GOLGA4: variants seen among roughly 807,000 people sequenced by gnomAD.
GOLGA4 encodes golgin A4, also known as golgin subfamily A member 4.
A neutral mutation model predicts 265.9 loss-of-function variants in GOLGA4; 169 were observed. That is an observed-to-expected ratio of 0.64 (90% CI 0.56 to 0.72). The LOEUF (loss-of-function observed/expected upper bound fraction) is 0.72. Among genes scored for constraint, GOLGA4 ranks in the 30% least tolerant of loss-of-function variants. The pLI, the probability that GOLGA4 is intolerant of heterozygous loss-of-function variation, is 0.00. For synonymous variants in GOLGA4, 923 were observed against 855.8 expected (o/e 1.08, Z -1.37); for missense variants, 2,482 against 2,483.4 (o/e 1.00, Z 0.01).
At chr3:37,269,673 A>G (rs2096792838) in intron 2 of GOLGA4, among the ~76,000 whole-genome samples, 1 of 152,198 alleles carries the variant, frequency 6.6e-6, no homozygotes, top group Non-Finnish European at 1.5e-5. Flanking sequence ...TGGAGAAGGC[A>G]TTACAAATAG....
Position 37,324,586 on chromosome 3 carries a change from A to G in GOLGA4, c.2700A>G (p.Glu900=), listed in dbSNP as rs527630773. 1.7e-5 allele frequency: 28 copies of G among 1,613,954 alleles called. No homozygotes were observed. In the South Asian group the frequency reaches 2.7e-4, roughly 16 times the overall value. ...TTGAAGATGGTAACAAAGAACAGGA[A>G]CAGACAAAGCAAATCTTGGTGGAAA... ...SKLEDGNKEQ[E]QTKQILVEKE... is the part of the protein sequence containing the mutation. Residue 900 remains glutamate, a synonymous_variant, in exon 14 of 24, where the codon GAA becomes GAG. Transcript: ENST00000361924.
At chr3:37,263,588 C>T (rs2096775783) in intron 2 of GOLGA4, among the ~76,000 whole-genome samples, 1 of 152,142 alleles carries the variant, frequency 6.6e-6, no homozygotes, top group Non-Finnish European at 1.5e-5. Context: ...CTCACACTCT[C>T]ATATATGTAT....
In GOLGA4 at chr3:37,310,542, T is replaced by C. The variant is rs7618606; in HGVS notation, c.1235-4878T>C. Among the ~76,000 whole-genome samples the C allele has an allele frequency of 8.5e-3, 1,301 of 152,292 alleles. 23 individuals are homozygous for C. Among genetic ancestry groups the C allele is most frequent in the African/African-American group, 0.03 (1,237 of 41,562 alleles). On this transcript the variant is annotated intron_variant, in intron 10 of 23. Coordinates refer to ENST00000361924, the MANE Select transcript of GOLGA4 (RefSeq NM_002078.5). ...TTGAGCTACAGATTGTCAACCTTTC[T>C]CATTTAACCCTTATAGAGAGCATTT...
intron 16 of GOLGA4, among the ~76,000 whole-genome samples, chr3:37,333,156 G>C (rs1183370484): frequency 2.0e-5 from 3 of 152,200 alleles, no homozygotes; most frequent in Non-Finnish European, 4.4e-5. Flanking sequence ...CTCACAAGTA[G>C]GGGTGCTTAC....
At chr3:37,251,287 C>T in intron 1 of GOLGA4, 108 bp from the exon 2 acceptor site, 2 of 646,760 alleles carry the variant, frequency 3.1e-6, no homozygotes, top group Non-Finnish European at 2.7e-6. Flanking sequence ...TGCTCTTTTC[C>T]TTTCTTTCAC....
At chr3:37,257,967 A>G (rs1227537261) in intron 2 of GOLGA4, among the ~76,000 whole-genome samples, 1 of 104,278 alleles carries the variant, frequency 9.6e-6, no homozygotes, top group Admixed American at 1.1e-4. Flanking sequence ...ATATGTATAT[A>G]TACATACATA....
chr3:37,345,662 A>G (rs553720021), intron 20 of GOLGA4, among the ~76,000 whole-genome samples: 3 of 152,298 alleles, frequency 2.0e-5, no homozygotes, highest in East Asian at 3.9e-4. Flanking sequence ...GTATTGAAAA[A>G]TAATATTAAT....
intron 21 of GOLGA4, 86 bp downstream of exon 21, chr3:37,347,382 GT>G: frequency 1.4e-6 from 1 of 723,278 alleles, no homozygotes; most frequent in Non-Finnish European, 2.5e-6. Flanking sequence ...AATGCCATAT[GT>G]TTACTATTAG....
Position 37,298,939 on chromosome 3 carries a change from A to G in GOLGA4, c.921A>G (p.Glu307=), listed in dbSNP as rs768886711. The G allele has an allele frequency of 5.0e-6, 8 of 1,612,944 alleles. No homozygotes were observed. The East Asian group carries it at 1.8e-4, about 36-fold the overall frequency. ...AGGAAACAATTCAGTCACATAAGGA[A>G]CAATGTACACTATTAACTAGTGAAA... is the stretch of plus-strand genomic sequence containing the variant. ...RCKETIQSHK[E]QCTLLTSEKE... Residue 307 remains glutamate, a synonymous_variant, in exon 8 of 24, where the codon GAA becomes GAG. Coordinates refer to ENST00000361924, the MANE Select transcript of GOLGA4 (RefSeq NM_002078.5).
intron 2 of GOLGA4, among the ~76,000 whole-genome samples, chr3:37,258,304 A>G (rs2096759947): frequency 1.3e-5 from 2 of 150,438 alleles, no homozygotes; most frequent in South Asian, 4.2e-4. Flanking sequence ...GCATATATAT[A>G]TATAGAGAGC....
At chr3:37,299,256 G>T in intron 8 of GOLGA4, 32 bp from the exon 9 acceptor site, 1 of 1,338,020 alleles carries the variant, frequency 7.5e-7, no homozygotes, top group Non-Finnish European at 1.1e-6. Flanking sequence ...AGCTTTATTA[G>T]AGATGGAAAT....
chr3:37,362,543 A>AT (rs925772867), intron 23 of GOLGA4, among the ~76,000 whole-genome samples: 4 of 148,818 alleles, frequency 2.7e-5, no homozygotes, highest in Admixed American at 6.7e-5. Flanking sequence ...GGCCTTATTT[A>AT]TTTTTTTTTA....
At chr3:37,257,894 CAT>C (rs373437728) in intron 2 of GOLGA4, among the ~76,000 whole-genome samples, 6,164 of 104,794 alleles carry the variant, frequency 0.059, 1,134 homozygotes, top group African/African-American at 0.17. Flanking sequence ...CATATATATA[CAT>C]ATATATATAT....
chr3:37,260,935 A>T (rs566900144), intron 2 of GOLGA4, among the ~76,000 whole-genome samples: 64 of 151,960 alleles, frequency 4.2e-4, no homozygotes, highest in Non-Finnish European at 7.5e-4. Flanking sequence ...GGGAGGCTGC[A>T]GCAGGAGGAA....
intron 21 of GOLGA4, among the ~76,000 whole-genome samples, chr3:37,349,951 C>CCCTT (rs957359552): frequency 6.6e-6 from 1 of 151,976 alleles, no homozygotes; most frequent in Non-Finnish European, 1.5e-5. Flanking sequence ...TAAGTAAGTT[C>CCCTT]CCTTCCTTCC....
intron 20 of GOLGA4, among the ~76,000 whole-genome samples, chr3:37,342,257 TC>T (rs1222377687): frequency 6.6e-6 from 1 of 152,142 alleles, no homozygotes; most frequent in Non-Finnish European, 1.5e-5. Flanking sequence ...GGCAGGAGAA[TC>T]GCTTGAACCT....
intron 13 of GOLGA4, among the ~76,000 whole-genome samples, chr3:37,322,467 A>G (rs956602499): frequency 6.6e-6 from 1 of 152,124 alleles, no homozygotes; most frequent in Non-Finnish European, 1.5e-5. Flanking sequence ...AAACTAACTG[A>G]TGTTTAGACT....
intron 10 of GOLGA4, among the ~76,000 whole-genome samples, chr3:37,309,219 T>C (rs1486082816): frequency 6.8e-6 from 1 of 147,928 alleles, no homozygotes; most frequent in African/African-American, 2.5e-5. Flanking sequence ...GCCACTGCAC[T>C]CCAGCCTGGG....
intron 23 of GOLGA4, among the ~76,000 whole-genome samples, chr3:37,365,042 C>G (rs1421433802): frequency 6.6e-6 from 1 of 152,110 alleles, no homozygotes; most frequent in Non-Finnish European, 1.5e-5. Context: ...ACTACAGACA[C>G]ACACCATCAT....
Sources: gnomAD v4.1 joint callset for allele counts (sites outside exome capture counted in the v4.1 genomes callset) on GRCh38, gnomAD v4.1.1 for gene constraint, MANE v1.5 for transcripts, NCBI Gene and HGNC (gene_info 2026-07-23, HGNC 2026-07-21) for gene names.